Variants in POLR3H observed in about 807,000 individuals in gnomAD.
POLR3H encodes the protein DNA-directed RNA polymerase III subunit RPC8.
Under a neutral mutation model 25.5 loss-of-function variants are expected in POLR3H, and 17 were observed. That is an observed-to-expected ratio of 0.67 (90% confidence interval 0.46 to 1.00). The LOEUF (loss-of-function observed/expected upper bound fraction) is 1.00. Ranked by LOEUF, POLR3H falls within the 50% of genes least tolerant of loss-of-function variation. POLR3H has a pLI of 0.00. For missense variants in POLR3H, 274 were observed against 265.0 expected (o/e 1.03, Z -0.24); for synonymous variants, 129 against 103.0 (o/e 1.25, Z -1.53).
intron 2 of POLR3H, among the ~76,000 whole-genome samples, chr22:41,536,216 C>A (rs1364875857): frequency 6.6e-6 from 1 of 150,950 alleles, no homozygotes; most frequent in Non-Finnish European, 1.5e-5. Flanking sequence ...CATGATGAAA[C>A]CCCGTCTCAA....
chr22:41,543,479 G>A (rs992000559), intron 1 of POLR3H, among the ~76,000 whole-genome samples: 6 of 152,102 alleles, frequency 3.9e-5, no homozygotes, highest in South Asian at 2.1e-4. Context: ...TTAGCTGGGG[G>A]TGGTGGCGCG....
In POLR3H at chr22:41,527,575, G is replaced by T; in HGVS notation, c.*1708C>A. 1 of 1,088,064 alleles carries T rather than the reference G, an allele frequency of 9.2e-7. No homozygotes were observed. The highest frequency in any genetic ancestry group is 1.3e-6 in the Non-Finnish European group (1 of 773,824). 67.4% of individuals were successfully genotyped at this position (1,088,064 alleles called of 1,614,324 possible). A position where few individuals can be genotyped will look rare whatever the true frequency, so the allele number is the denominator to read the frequency against. The stretch of plus-strand genomic sequence containing the variant: ...TTGCCCCTTCTTAGGCTCACACAGT[G>T]CACATCCGACGCTCAGCTTCCCGGC... On this transcript the variant is annotated 3_prime_UTR_variant, in exon 6 of 6. Coordinates refer to ENST00000355209, the MANE Select transcript of POLR3H (RefSeq NM_001018050.4).
chr22:41,540,519 T>C, intron 2 of POLR3H, 180 bp downstream of exon 2: 3 of 673,692 alleles, frequency 4.5e-6, no homozygotes, highest in Non-Finnish European at 2.7e-6. Context: ...ATTTTATTTA[T>C]GTATTTAAAG....
intron 1 of POLR3H, among the ~76,000 whole-genome samples, chr22:41,542,090 C>CT (rs144284289): frequency 0.043 from 6,238 of 145,866 alleles, 407 homozygotes; most frequent in African/African-American, 0.15. Flanking sequence ...ACCCCTTCTT[C>CT]TTTTTTTTTT....
chr22:41,542,532 A>G (rs12483786), intron 1 of POLR3H, among the ~76,000 whole-genome samples: 27,934 of 151,844 alleles, frequency 0.18, 3,497 homozygotes, highest in Admixed American at 0.38. Context: ...CCTCCTCAAC[A>G]AAGCTGCAGG....
In POLR3H at chr22:41,529,257, G is replaced by T; in HGVS notation, c.*26C>A. On this transcript the variant is annotated 3_prime_UTR_variant, in exon 6 of 6. Transcript: ENST00000355209. ...GGCCATACCACCTTCCCGCAGGCTG[G>T]TAGGGTCCACTGTCCAGCCCCAGGG... 1 of 1,606,388 alleles carries T rather than the reference G, an allele frequency of 6.2e-7. No homozygotes were observed.
At chr22:41,541,942 A>C (rs2066935476) in intron 1 of POLR3H, among the ~76,000 whole-genome samples, 1 of 152,082 alleles carries the variant, frequency 6.6e-6, no homozygotes, top group Non-Finnish European at 1.5e-5. Context: ...TCACCTTCTG[A>C]TGCTCCACGG....
Position 41,533,489 on chromosome 22 carries a change from C to A in POLR3H, c.209-744G>T, listed in dbSNP as rs1033670625. ...GGGTGACCCACTCACAGCCACATAG[C>A]CATGGGGAGACACCTGGTCTTTCTG... On this transcript the variant is annotated intron_variant, in intron 2 of 5. Coordinates refer to ENST00000355209, the MANE Select transcript of POLR3H (RefSeq NM_001018050.4). The A allele has an allele frequency of 4.2e-6, 5 of 1,198,512 alleles. No homozygotes were observed. In the Admixed American group the frequency reaches 9.7e-5, roughly 23 times the overall value. 74.2% of individuals were successfully genotyped at this position (1,198,512 alleles called of 1,614,324 possible).
Position 41,532,731 on chromosome 22 carries a change from C to A in POLR3H, c.223G>T (p.Val75Leu). 6.2e-7 allele frequency: 1 copy of A among 1,613,920 alleles called. No individual in the cohort carries two copies. Among genetic ancestry groups the A allele is most frequent in the Non-Finnish European group, 8.5e-7 (1 of 1,179,892 alleles). The change falls in exon 3 of 6, where the codon GTG (valine) becomes TTG (leucine). Residue 75 changes from valine (V) to leucine (L), a missense_variant. Transcript: ENST00000355209. ...TCATCTAGGAATGGATGAAACACCA[C>A]GCAGCGAAAATGGACTGGAAATGAA... ...ASHTKVHFRC[V>L]VFHPFLDEIL... is the part of the protein sequence containing the mutation.
At chr22:41,531,087 C>G (rs1197365984) in intron 4 of POLR3H, among the ~76,000 whole-genome samples, 199 bp from the exon 5 acceptor site, 1 of 152,238 alleles carries the variant, frequency 6.6e-6, no homozygotes, top group Non-Finnish European at 1.5e-5. Flanking sequence ...GGCCAGGACC[C>G]AGGAAGGGGA....
intron 2 of POLR3H, among the ~76,000 whole-genome samples, chr22:41,537,976 T>G (rs2066875668): frequency 6.6e-6 from 1 of 150,906 alleles, no homozygotes; most frequent in African/African-American, 2.4e-5. Flanking sequence ...TTTTTTTTTT[T>G]TTTTTTTGAG....
chr22:41,540,499 A>AT (rs2066911549), intron 2 of POLR3H, 200 bp downstream of exon 2: 1 of 642,940 alleles, frequency 1.6e-6, no homozygotes, highest in East Asian at 2.9e-5. Context: ...GCCTTTTAAA[A>AT]TTTTTTCATA....
intron 2 of POLR3H, among the ~76,000 whole-genome samples, chr22:41,535,243 G>C (rs1015354894): frequency 6.6e-6 from 1 of 152,012 alleles, no homozygotes; most frequent in African/African-American, 2.4e-5. Flanking sequence ...TCTTCATAAG[G>C]AGTTGCAAAA....
At chr22:41,541,553 C>CA (rs1601967171) in intron 1 of POLR3H, among the ~76,000 whole-genome samples, 1 of 152,332 alleles carries the variant, frequency 6.6e-6, no homozygotes. Context: ...TCAGAGAACT[C>CA]AGAGTCGTGG....
At chr22:41,538,364 G>T (rs2066881202) in intron 2 of POLR3H, among the ~76,000 whole-genome samples, 1 of 152,034 alleles carries the variant, frequency 6.6e-6, no homozygotes. Flanking sequence ...CTGACCTCAT[G>T]ATCTGCCCGC....
chr22:41,529,567 C>T, intron 5 of POLR3H: 1 of 690,298 alleles, frequency 1.4e-6, no homozygotes, highest in Admixed American at 2.0e-5. Flanking sequence ...GGGTCAGGGA[C>T]CCTTCCTCAC....
Position 41,530,608 on chromosome 22 carries a change from A to T in POLR3H, c.561+79T>A, listed in dbSNP as rs968550151. On this transcript the variant is annotated intron_variant, in intron 5 of 5. Coordinates refer to ENST00000355209, the MANE Select transcript of POLR3H (RefSeq NM_001018050.4). ...CTGCTGGGGGAGATCCCAGAGCAGA[A>T]GCCCCAGGACACAGCTTCCAGCCCT... 16 of 1,337,690 alleles carry T rather than the reference A, an allele frequency of 1.2e-5. No homozygotes were observed. The Admixed American group carries it at 3.0e-4, about 25-fold the overall frequency. 82.9% of individuals were successfully genotyped at this position (1,337,690 alleles called of 1,614,324 possible). A position where few individuals can be genotyped will look rare whatever the true frequency, so the allele number is the denominator to read the frequency against.
rs1445820746 is a variant in POLR3H, at chr22:41,528,978, ACTGTT to A, written c.*300_*304del. 4.5e-5 allele frequency: 24 copies of A among 527,934 alleles called. No homozygotes were observed. The highest frequency in any genetic ancestry group is 5.7e-5 in the Non-Finnish European group (17 of 299,618). The allele number at this position is 527,934 out of a possible 1,614,324, so 32.7% of individuals were successfully genotyped here. A position where few individuals can be genotyped will look rare whatever the true frequency, so the allele number is the denominator to read the frequency against. ...GGAAAACAAGAATCCAAAACCAGTGACTGTTCTGTGAGTGATTGGTGTCTGTGCCG... is the reference window on the plus strand; with the variant it reads ...GGAAAACAAGAATCCAAAACCAGTGACTGTGAGTGATTGGTGTCTGTGCCG... On this transcript the variant is annotated 3_prime_UTR_variant, in exon 6 of 6. Coordinates refer to ENST00000355209, the MANE Select transcript of POLR3H (RefSeq NM_001018050.4).
chr22:41,532,473 T>C (rs2066756061), intron 3 of POLR3H, 186 bp downstream of exon 3: 1 of 1,092,180 alleles, frequency 9.2e-7, no homozygotes, highest in South Asian at 1.6e-5. Flanking sequence ...GGCCTCACAG[T>C]GAAACCGCAC....
Sources: allele counts gnomAD v4.1 joint callset (sites outside exome capture counted in the v4.1 genomes callset), GRCh38; gene constraint gnomAD v4.1.1; transcripts MANE v1.5; gene names NCBI Gene and HGNC (gene_info 2026-07-23, HGNC 2026-07-21).